The following RNF17 variants were observed in gnomAD, a reference collection of about 807,000 sequenced individuals.
RNF17 encodes the protein spermatogenesis associated 23.
A neutral mutation model predicts 200.5 loss-of-function variants in RNF17; 31 were observed. The observed-to-expected ratio is 0.15, with a 90% CI of 0.12 to 0.21. The LOEUF is 0.21. Ranked by LOEUF, RNF17 falls within the 10% of genes least tolerant of loss-of-function variation. The pLI, the probability that RNF17 is intolerant of heterozygous loss-of-function variation, is 1.00. For missense variants in RNF17, 1,628 were observed against 1,905.1 expected (o/e 0.85, Z 2.71); for synonymous variants, 606 against 637.8 (o/e 0.95, Z 0.75).
In RNF17 at chr13:24,793,232, T is replaced by C. The variant is rs1284851806; in HGVS notation, c.1126T>C (p.Phe376Leu). ...TNDVHLEAKNFQPQKDVATAS... is the reference protein window; with the variant it reads ...TNDVHLEAKNLQPQKDVATAS... Reference sequence around the variant, plus strand: ...TGATGTACATTTAGAAGCAAAAAACTTCCAGCCACAGAAAGACGTTGCAAC... The same window carrying C: ...TGATGTACATTTAGAAGCAAAAAACCTCCAGCCACAGAAAGACGTTGCAAC... The change falls in exon 10 of 36, where the codon TTC becomes CTC. Residue 376 changes from phenylalanine to leucine, a missense_variant. Physicochemically the swap from Phe to Leu is conservative, Grantham distance 22 (BLOSUM62 0). Around this residue, in one of 5 missense-constraint regions of RNF17, gnomAD observed 502 missense variants for 501.7 expected, o/e 1.00. Coordinates refer to ENST00000255324, the MANE Select transcript of RNF17 (RefSeq NM_031277.3). 6.2e-7 allele frequency: 1 copy of C among 1,614,092 alleles called. No individual in the cohort carries two copies. Among genetic ancestry groups the C allele is most frequent in the South Asian group, 1.1e-5 (1 of 91,078 alleles).
At chr13:24,790,793 C>A (rs1223374930) in intron 9 of RNF17, among the ~76,000 whole-genome samples, 1 of 152,078 alleles carries the variant, frequency 6.6e-6, no homozygotes, top group Non-Finnish European at 1.5e-5. Flanking sequence ...ATAAAAGGGA[C>A]AAATAACTAT....
intron 18 of RNF17, among the ~76,000 whole-genome samples, chr13:24,840,370 C>CTAGA (rs1236105555): frequency 6.6e-6 from 1 of 152,170 alleles, no homozygotes; most frequent in African/African-American, 2.4e-5. Context: ...CTTCCCACTG[C>CTAGA]TAGATATCTA....
At chr13:24,883,257 G>A (rs1228356239), downstream of RNF17, 1 of 1,613,886 alleles carries the variant, frequency 6.2e-7, no homozygotes, top group East Asian at 2.2e-5. Flanking sequence ...GTTTCTTGAT[G>A]ACCGTTTGCA....
intron 17 of RNF17, among the ~76,000 whole-genome samples, chr13:24,830,940 T>C (rs1352460532): frequency 1.3e-5 from 2 of 152,232 alleles, no homozygotes; most frequent in East Asian, 1.9e-4. Context: ...ATCATATTTA[T>C]ACTTAAGTAT....
At chr13:24,844,454 G>A (rs1422716718) in intron 20 of RNF17, among the ~76,000 whole-genome samples, 198 bp from the exon 21 acceptor site, 1 of 152,152 alleles carries the variant, frequency 6.6e-6, no homozygotes, top group African/African-American at 2.4e-5. Flanking sequence ...CCATATAAGT[G>A]TCTGAGGGAA....
Position 24,847,760 on chromosome 13 carries a change from G to A in RNF17, c.3102-2581G>A, listed in dbSNP as rs542221679. Among the ~76,000 whole-genome samples the A allele has an allele frequency of 3.9e-5, 6 of 152,186 alleles. No individual in the cohort carries two copies. In the East Asian group the frequency reaches 1.2e-3, roughly 29 times the overall value. On this transcript the variant is annotated intron_variant, in intron 22 of 35. Coordinates refer to ENST00000255324, the MANE Select transcript of RNF17 (RefSeq NM_031277.3). The stretch of plus-strand genomic sequence containing the variant: ...AATGACCCATTTCTCTAATCTTACA[G>A]GCACCTCTTCCTATTGTCTGTGATC...
chr13:24,771,849 AC>A (rs1265410220), intron 2 of RNF17, among the ~76,000 whole-genome samples: 2 of 151,998 alleles, frequency 1.3e-5, no homozygotes, highest in Non-Finnish European at 2.9e-5. Context: ...TACTAAAAAT[AC>A]CAAATTAGCC....
chr13:24,842,008 T>A (rs1426364222), intron 18 of RNF17, 33 bp from the exon 19 acceptor site: 2 of 1,577,772 alleles, frequency 1.3e-6, no homozygotes, highest in African/African-American at 2.8e-5. Context: ...TGTGACATAT[T>A]TCTTTCCCCA....
rs780840945 is a variant in RNF17 at position 24,779,761 on chromosome 13, A to G, written c.510+14A>G. 73 of 1,593,426 alleles carry G rather than the reference A, an allele frequency of 4.6e-5. No individual in the cohort carries two copies. The East Asian group carries it at 4.7e-4, about 10-fold the overall frequency. On this transcript the variant is annotated intron_variant, in intron 5 of 35. Coordinates refer to ENST00000255324, the MANE Select transcript of RNF17 (RefSeq NM_031277.3). ...ATTGCTGGAAAAGTAAGCACTTTGC[A>G]GGATTAAATTCTATCATGAAGTGAA...
At chr13:24,827,955 C>T (rs1746965492) in intron 16 of RNF17, among the ~76,000 whole-genome samples, 1 of 152,022 alleles carries the variant, frequency 6.6e-6, no homozygotes, top group Admixed American at 6.6e-5. Context: ...GAGGGCAGAA[C>T]CCTCATGACT....
rs781749078 is a variant in RNF17 at position 24,764,314 on chromosome 13, G to A, written c.111G>A (p.Arg37=). 5.0e-6 allele frequency: 8 copies of A among 1,608,368 alleles called. No individual in the cohort carries two copies. The highest frequency in any genetic ancestry group is 6.8e-6 in the Non-Finnish European group (8 of 1,176,488). ...AAEIQCTRCG[R]RVSRSSGHHC... ...AAATCCAGTGCACCAGGTGTGGAAGGAGGGTATCCAGATCATCCGGTGAGG... is the reference window on the plus strand; with the variant it reads ...AAATCCAGTGCACCAGGTGTGGAAGAAGGGTATCCAGATCATCCGGTGAGG... The change falls in exon 1 of 36, where the codon AGG becomes AGA. Residue 37 remains arginine (R), a synonymous_variant. Coordinates refer to ENST00000255324, the MANE Select transcript of RNF17 (RefSeq NM_031277.3).
At chr13:24,800,560 C>T (rs1214067318) in intron 13 of RNF17, 26 bp downstream of exon 13, 4 of 1,598,316 alleles carry the variant, frequency 2.5e-6, no homozygotes, top group Non-Finnish European at 2.6e-6. Flanking sequence ...ATTATTTTTT[C>T]CTTCAGAGGT....
intron 1 of RNF17, 62 bp from the exon 2 acceptor site, chr13:24,767,210 C>G: frequency 1.7e-6 from 2 of 1,204,844 alleles, no homozygotes; most frequent in Middle Eastern, 2.0e-4. Context: ...GGCAACAGAG[C>G]AAGACCCTGT....
upstream of RNF17, among the ~76,000 whole-genome samples, chr13:24,761,253 A>C (rs1347758140): frequency 6.6e-6 from 1 of 152,154 alleles, no homozygotes; most frequent in Non-Finnish European, 1.5e-5. Flanking sequence ...TTGGTTTTAG[A>C]ATATTAATAT....
downstream of RNF17, among the ~76,000 whole-genome samples, chr13:24,880,899 G>C (rs1046781995): frequency 1.3e-5 from 2 of 152,174 alleles, no homozygotes; most frequent in Non-Finnish European, 2.9e-5. Flanking sequence ...GTAAGAAAAG[G>C]TATCTCATCA....
In RNF17 at chr13:24,774,917, T is replaced by G. The variant is rs1566118249; in HGVS notation, c.317+13T>G. 1 of 1,473,252 alleles carries G rather than the reference T, an allele frequency of 6.8e-7. No individual in the cohort carries two copies. The allele number at this position is 1,473,252 out of a possible 1,614,324, so 91.3% of individuals were successfully genotyped here. ...TGCAGCCTAAGACGTATGTTCCATG[T>G]GTACTTATTTGAGTATTTAAAGTCA... On this transcript the variant is annotated intron_variant, in intron 3 of 35. Transcript: ENST00000255324.
intron 15 of RNF17, among the ~76,000 whole-genome samples, chr13:24,817,308 C>T (rs772987544): frequency 1.3e-5 from 2 of 152,050 alleles, no homozygotes; most frequent in Non-Finnish European, 2.9e-5. Context: ...TAAGTCTACT[C>T]GGATTTTCTG....
upstream of RNF17, among the ~76,000 whole-genome samples, chr13:24,760,464 G>A (rs1450400011): frequency 2.0e-5 from 3 of 152,130 alleles, no homozygotes; most frequent in African/African-American, 7.2e-5. Context: ...CACATTATAT[G>A]CAAAAATCAA....
chr13:24,884,315 A>G, downstream of RNF17: 1 of 1,614,140 alleles, frequency 6.2e-7, no homozygotes, highest in Non-Finnish European at 8.5e-7. Context: ...ACACCTCTGG[A>G]AACATACCAC....
Sources: gnomAD v4.1 joint callset for allele counts (sites outside exome capture counted in the v4.1 genomes callset) on GRCh38, gnomAD v4.1.1 for gene constraint, gnomAD v4.1.1 regional missense constraint, MANE v1.5 for transcripts, NCBI Gene and HGNC (gene_info 2026-07-23, HGNC 2026-07-21) for gene names.